SORL1: variants seen among roughly 807,000 people sequenced by gnomAD.
The protein encoded by SORL1 is sortilin-related receptor.
SORL1 carries 127 observed loss-of-function variants against 273.7 expected under a neutral mutation model. The ratio of observed to expected loss-of-function variants is 0.46; its 90% CI spans 0.40 to 0.54. SORL1 has a LOEUF of 0.54. SORL1 is among the 20% of genes least tolerant of loss of function. The probability of loss-of-function intolerance (pLI) is 0.00; values close to 1 mark genes in which losing one functional copy is unlikely to be tolerated. For missense variants in SORL1, 2,494 were observed against 2,846.1 expected, an observed-to-expected ratio of 0.88 and a Z score of 2.81; for synonymous variants, 1,031 against 1,067.4, an observed-to-expected ratio of 0.97 and a Z score of 0.66.
chr11:121,488,966 G>A (rs1327205409), intron 4 of SORL1, among the ~76,000 whole-genome samples: 2 of 152,224 alleles, frequency 1.3e-5, no homozygotes, highest in Admixed American at 6.5e-5. Context: ...GGCTGGGTCA[G>A]TTTACCAGCG....
In SORL1 at chr11:121,625,002, G is replaced by A. The variant is rs1316169204; in HGVS notation, c.6172-83G>A. 5 of 993,750 alleles carry A rather than the reference G, an allele frequency of 5.0e-6. No individual in the cohort carries two copies. In the Admixed American group the frequency reaches 1.1e-4, roughly 22 times the overall value. 61.6% of individuals were successfully genotyped at this position (993,750 alleles called of 1,614,324 possible). ...CGTCTGTAGCAGCCCACAGTGAGGAGCTCACATAAAGATGGAACCAGTAAT... is the reference window on the plus strand; with the variant it reads ...CGTCTGTAGCAGCCCACAGTGAGGAACTCACATAAAGATGGAACCAGTAAT... On this transcript the variant is annotated intron_variant, in intron 45 of 47. Coordinates refer to ENST00000260197, the MANE Select transcript of SORL1 (RefSeq NM_003105.6).
chr11:121,595,831 G>A lies in SORL1; in HGVS notation c.4519+59G>A. On this transcript the variant is annotated intron_variant, in intron 32 of 47. Coordinates refer to ENST00000260197, the MANE Select transcript of SORL1 (RefSeq NM_003105.6). The surrounding 1 kb of genome is among the most constrained non-coding windows in gnomAD (Gnocchi z 5.1). ...ACGTTTCTGCAGAGAGCACAGTTCTGGTGCTTCTGCTTCATTTCTGGATCA... is the reference window on the plus strand; with the variant it reads ...ACGTTTCTGCAGAGAGCACAGTTCTAGTGCTTCTGCTTCATTTCTGGATCA... 1.3e-6 allele frequency: 2 copies of A among 1,556,758 alleles called. No individual in the cohort carries two copies. The highest frequency in any genetic ancestry group is 2.3e-5 in the East Asian group (1 of 44,392).
chr11:121,591,007 A>G lies in SORL1; in HGVS notation c.4220A>G (p.His1407Arg), dbSNP rs746030864. 3.1e-6 allele frequency: 5 copies of G among 1,614,216 alleles called. No individual in the cohort carries two copies. The highest frequency in any genetic ancestry group is 4.2e-6 in the Non-Finnish European group (5 of 1,180,042). Residue 1407 changes from histidine to arginine, a missense_variant, in exon 31 of 48, where the codon CAT (histidine) becomes CGT (arginine). His to Arg is a conservative substitution (Grantham distance 29, BLOSUM62 0). This residue lies in a region of SORL1 where 1,609 missense variants were observed against 1,816.4 expected (regional missense o/e 0.89). Transcript: ENST00000260197. ...WSDEKDCGDSHILPFSTPGPS... is the reference protein window; with the variant it reads ...WSDEKDCGDSRILPFSTPGPS... ...TGCTTGGTGTTTTTCTCAGATTCAC[A>G]TATTCTTCCCTTCTCGACTCCTGGG... is the stretch of plus-strand genomic sequence containing the variant.
intron 18 of SORL1, 95 bp from the exon 19 acceptor site, chr11:121,557,219 A>T (rs553836917): frequency 7.9e-6 from 7 of 888,022 alleles, no homozygotes; most frequent in South Asian, 2.7e-5. Flanking sequence ...TGGAGGGGGC[A>T]TGTCTGTAGC....
At position 121,633,479 on chromosome 11, in the gene SORL1, T is replaced by C. The variant is rs1213221397; in HGVS notation, c.*3916T>C. 6.6e-6 allele frequency: 1 copy of C among 152,252 alleles called. No individual in the cohort carries two copies. Among genetic ancestry groups the C allele is most frequent in the Non-Finnish European group, 1.5e-5 (1 of 68,040 alleles). The allele number at this position is 152,252 out of a possible 1,614,324, so 9.4% of individuals were successfully genotyped here. A position where few individuals can be genotyped will look rare whatever the true frequency, so the allele number is the denominator to read the frequency against. ...GCGGCAAAATAAAGGCCTATTCTAC[T>C]CTTATTTAAAGTGAAACACTGTATA... On this transcript the variant is annotated 3_prime_UTR_variant, in exon 48 of 48. Transcript: ENST00000260197.
At chr11:121,493,410 C>T (rs1033794625) in intron 5 of SORL1, among the ~76,000 whole-genome samples, 6 of 152,154 alleles carry the variant, frequency 3.9e-5, no homozygotes, top group Non-Finnish European at 8.8e-5. Context: ...GCACCCACCA[C>T]CATGCCTGGC....
At chr11:121,458,094 C>G (rs1156379867) in intron 1 of SORL1, among the ~76,000 whole-genome samples, 1 of 152,172 alleles carries the variant, frequency 6.6e-6, no homozygotes, top group East Asian at 1.9e-4. Context: ...AGGGGGCAGT[C>G]TTATCATAAT....
At chr11:121,536,426 T>C (rs1042888441) in intron 12 of SORL1, among the ~76,000 whole-genome samples, 5 of 147,720 alleles carry the variant, frequency 3.4e-5, no homozygotes, top group East Asian at 2.0e-4. Flanking sequence ...CTTATCACTG[T>C]GTTTTTTTTT....
intron 24 of SORL1, chr11:121,576,735 C>A (rs1446719148): frequency 1.4e-6 from 2 of 1,450,884 alleles, no homozygotes; most frequent in African/African-American, 1.4e-5. Flanking sequence ...ACAGCGCATC[C>A]ACCCGTGTCC....
rs1335926518 is a variant in SORL1, at chr11:121,470,124, G to A, written c.402+1G>A. ...ATTGGCGAGGCCCAAGAGCAGTGAT[G>A]TAAGTGTTGTGTTGGCTCTGGGCAC... On this transcript the variant is annotated splice_donor_variant, in intron 2 of 47. Transcript: ENST00000260197. LOFTEE classifies it high-confidence loss of function. 3 of 1,605,868 alleles carry A rather than the reference G, an allele frequency of 1.9e-6. No individual in the cohort carries two copies. Among genetic ancestry groups the A allele is most frequent in the Non-Finnish European group, 2.6e-6 (3 of 1,172,580 alleles).
At chr11:121,491,196 A>T (rs796672330) in intron 5 of SORL1, among the ~76,000 whole-genome samples, 29 of 152,334 alleles carry the variant, frequency 1.9e-4, no homozygotes, top group African/African-American at 6.7e-4. Flanking sequence ...GGAAGTTGGT[A>T]TTAGAATCTG....
chr11:121,615,078 C>T (rs1193028263), intron 41 of SORL1, 23 bp downstream of exon 41: 1 of 1,574,922 alleles, frequency 6.3e-7, no homozygotes, highest in Non-Finnish European at 8.6e-7. Flanking sequence ...GAATGACCAT[C>T]ACAAAGTGAG....
At chr11:121,585,220 A>T (rs1863076411) in intron 26 of SORL1, among the ~76,000 whole-genome samples, 1 of 152,190 alleles carries the variant, frequency 6.6e-6, no homozygotes, top group South Asian at 2.1e-4. Flanking sequence ...ATGGTGGCTC[A>T]CGCCTGTAAT....
At chr11:121,555,001 T>A in intron 17 of SORL1, 186 bp from the exon 18 acceptor site, 1 of 519,952 alleles carries the variant, frequency 1.9e-6, no homozygotes, top group East Asian at 3.3e-5. Flanking sequence ...AAAACAAAAA[T>A]GTAGTATATT....
intron 32 of SORL1, among the ~76,000 whole-genome samples, chr11:121,598,635 C>T (rs1250248007): frequency 4.6e-5 from 7 of 152,232 alleles, no homozygotes; most frequent in Non-Finnish European, 7.3e-5. Context: ...TGCCAGTTTT[C>T]ACACTTTTGT....
chr11:121,631,711 A>G lies in SORL1; in HGVS notation c.*2148A>G, dbSNP rs986282309. 1.4e-4 allele frequency: 21 copies of G among 152,318 alleles called. No homozygotes were observed. Among genetic ancestry groups the G allele is most frequent in the African/African-American group, 4.6e-4 (19 of 41,560 alleles). 9.4% of individuals were successfully genotyped at this position (152,318 alleles called of 1,614,324 possible). A position where few individuals can be genotyped will look rare whatever the true frequency, so the allele number is the denominator to read the frequency against. The stretch of plus-strand genomic sequence containing the variant: ...CGGTTCTAGCTACCAGTGCCTCCCA[A>G]TGCTTAGTGCACAGTACTGTAGACT... On this transcript the variant is annotated 3_prime_UTR_variant, in exon 48 of 48. Coordinates refer to ENST00000260197, the MANE Select transcript of SORL1 (RefSeq NM_003105.6).
At chr11:121,577,071 A>C in intron 24 of SORL1, 3 of 1,120,498 alleles carry the variant, frequency 2.7e-6, no homozygotes, top group Non-Finnish European at 3.9e-6. Flanking sequence ...GGGTCTCAGA[A>C]TCTCAGCCCA....
chr11:121,512,324 C>G (rs1229040765), intron 6 of SORL1, among the ~76,000 whole-genome samples: 1 of 152,164 alleles, frequency 6.6e-6, no homozygotes, highest in African/African-American at 2.4e-5. Context: ...AGAGCTAGCT[C>G]TTAATCTATG....
chr11:121,566,895 C>T (rs779553498), intron 21 of SORL1, 45 bp from the exon 22 acceptor site: 24 of 1,571,032 alleles, frequency 1.5e-5, no homozygotes, highest in Non-Finnish European at 2.1e-5. Flanking sequence ...GTACCTCCCT[C>T]ATGGTGTGTA....
Sources: allele counts gnomAD v4.1 joint callset (sites outside exome capture counted in the v4.1 genomes callset), GRCh38; gene constraint gnomAD v4.1.1; regional missense constraint gnomAD v4.1.1; non-coding constraint Gnocchi (gnomAD v3.1); transcripts MANE v1.5; gene names NCBI Gene and HGNC (gene_info 2026-07-23, HGNC 2026-07-21).